The following ERBB4 variants were observed in gnomAD, a reference collection of about 807,000 sequenced individuals.
ERBB4 encodes the protein receptor tyrosine-protein kinase erbB-4.
Under a neutral mutation model 158.0 loss-of-function variants are expected in ERBB4, and 42 were observed. The observed-to-expected ratio is 0.27, with a 90% CI of 0.21 to 0.34. The LOEUF (loss-of-function observed/expected upper bound fraction) is 0.34, where lower values mean the gene tolerates loss of function less well. Among genes scored for constraint, ERBB4 ranks in the 10% least tolerant of loss-of-function variants. ERBB4 has a pLI of 1.00. For missense variants in ERBB4, 1,333 were observed against 1,624.1 expected (o/e 0.82, Z 3.08); for synonymous variants, 583 against 558.7 (o/e 1.04, Z -0.61).
chr2:211,425,161 C>A (rs754884202), intron 22 of ERBB4, among the ~76,000 whole-genome samples: 4 of 151,994 alleles, frequency 2.6e-5, no homozygotes, highest in Non-Finnish European at 5.9e-5. Context: ...TCAGACATGG[C>A]TAGCTGGGCA....
At chr2:211,929,054 T>A (rs2080097593) in intron 3 of ERBB4, among the ~76,000 whole-genome samples, 1 of 152,116 alleles carries the variant, frequency 6.6e-6, no homozygotes, top group Non-Finnish European at 1.5e-5. Context: ...CAAATGAAAA[T>A]ATACCTTCAT....
chr2:212,195,778 G>A (rs1374204217), intron 1 of ERBB4, among the ~76,000 whole-genome samples: 1 of 152,104 alleles, frequency 6.6e-6, no homozygotes, highest in Non-Finnish European at 1.5e-5. Flanking sequence ...TTTCAGAAAT[G>A]TTTATGTTGT....
chr2:212,501,389 C>G (rs755739880), intron 1 of ERBB4, among the ~76,000 whole-genome samples: 2 of 151,926 alleles, frequency 1.3e-5, no homozygotes, highest in African/African-American at 2.4e-5. Flanking sequence ...AAGGTCAAAC[C>G]CTGATCCATG....
intron 1 of ERBB4, among the ~76,000 whole-genome samples, chr2:212,187,252 T>C (rs976397682): frequency 2.6e-5 from 4 of 152,034 alleles, no homozygotes; most frequent in African/African-American, 7.2e-5. Flanking sequence ...TTTAAGATAT[T>C]GTGTCACAAT....
At chr2:211,958,515 G>C (rs1178170749) in intron 2 of ERBB4, among the ~76,000 whole-genome samples, 1 of 151,968 alleles carries the variant, frequency 6.6e-6, no homozygotes, top group Non-Finnish European at 1.5e-5. Context: ...GTCACCTACT[G>C]GTGAAATCAC....
At chr2:212,048,247 T>C (rs1013731199) in intron 2 of ERBB4, among the ~76,000 whole-genome samples, 10 of 152,222 alleles carry the variant, frequency 6.6e-5, no homozygotes, top group African/African-American at 2.4e-4. Context: ...GTATGGAATA[T>C]GACTTTTACT....
In ERBB4 at chr2:212,527,534, T is replaced by C. The variant is rs569261414; in HGVS notation, c.82+10915A>G. Among the ~76,000 whole-genome samples, 4 of 152,146 alleles carry C rather than the reference T, an allele frequency of 2.6e-5. No individual in the cohort carries two copies. In the East Asian group the frequency reaches 7.7e-4, roughly 29 times the overall value. ...TCCTAAAATGTGTAATTTTCAACCA[T>C]AGGCAGACTTACCACAAAGTTTCTA... On this transcript the variant is annotated intron_variant, in intron 1 of 27. Transcript: ENST00000342788.
At chr2:212,450,514 A>C (rs1025705682) in intron 1 of ERBB4, among the ~76,000 whole-genome samples, 1 of 152,206 alleles carries the variant, frequency 6.6e-6, no homozygotes, top group Non-Finnish European at 1.5e-5. Context: ...GATAGGCACC[A>C]GAAGCTGAAA....
At chr2:211,810,580 T>C (rs2076727270) in intron 3 of ERBB4, among the ~76,000 whole-genome samples, 2 of 152,022 alleles carry the variant, frequency 1.3e-5, no homozygotes, top group Non-Finnish European at 2.9e-5. Context: ...TGAGCCTATG[T>C]GTGTCTCTGC....
chr2:211,623,667 A>T (rs1187985625), intron 18 of ERBB4, among the ~76,000 whole-genome samples: 1 of 152,174 alleles, frequency 6.6e-6, no homozygotes. Flanking sequence ...CGGGGCTCAG[A>T]AAGGTATTAA....
At chr2:211,621,183 T>A (rs2069587757) in intron 18 of ERBB4, among the ~76,000 whole-genome samples, 2 of 152,116 alleles carry the variant, frequency 1.3e-5, no homozygotes, top group African/African-American at 4.8e-5. Context: ...TACTTCTTTT[T>A]AAAATAAATA....
At chr2:211,747,894 A>T (rs1469828923) in intron 5 of ERBB4, among the ~76,000 whole-genome samples, 2 of 151,950 alleles carry the variant, frequency 1.3e-5, no homozygotes, top group Non-Finnish European at 2.9e-5. Context: ...CATAAATACC[A>T]AACTCCATAG....
At chr2:212,480,363 A>G (rs894008750) in intron 1 of ERBB4, among the ~76,000 whole-genome samples, 1 of 152,190 alleles carries the variant, frequency 6.6e-6, no homozygotes, top group Non-Finnish European at 1.5e-5. Flanking sequence ...GTAGCACAGG[A>G]AAGAGGAGCA....
chr2:211,920,863 T>C (rs1035273931), intron 3 of ERBB4, among the ~76,000 whole-genome samples: 1 of 152,084 alleles, frequency 6.6e-6, no homozygotes, highest in East Asian at 1.9e-4. Flanking sequence ...GCCATATCCC[T>C]TTGAACAACA....
At chr2:211,759,237 T>C (rs2075352760) in intron 4 of ERBB4, among the ~76,000 whole-genome samples, 1 of 152,128 alleles carries the variant, frequency 6.6e-6, no homozygotes, top group African/African-American at 2.4e-5. Context: ...CCTGCACCAT[T>C]ATCATTGTAA....
At chr2:212,148,804 G>T (rs2080769203) in intron 1 of ERBB4, among the ~76,000 whole-genome samples, 1 of 144,550 alleles carries the variant, frequency 6.9e-6, no homozygotes, top group South Asian at 2.3e-4. Context: ...AGAAAATGTG[G>T]CACATATACA....
chr2:211,580,875 A>AGTATG (rs796517036), intron 19 of ERBB4, among the ~76,000 whole-genome samples: 1 of 1,202 alleles, frequency 8.3e-4, no homozygotes, highest in Admixed American at 0.015. Flanking sequence ...ACATATATAT[A>AGTATG]TATATATATA....
chr2:212,514,158 C>T (rs1470208402), intron 1 of ERBB4, among the ~76,000 whole-genome samples: 2 of 151,322 alleles, frequency 1.3e-5, no homozygotes, highest in Non-Finnish European at 2.9e-5. Context: ...GTAACTGTGT[C>T]AATGCATTGC....
chr2:211,923,664 C>T (rs1447336506), intron 3 of ERBB4, among the ~76,000 whole-genome samples: 3 of 152,222 alleles, frequency 2.0e-5, no homozygotes, highest in Non-Finnish European at 4.4e-5. Context: ...ATCCTTTCCT[C>T]AATTTCCACA....
Sources: allele counts gnomAD v4.1 joint callset (sites outside exome capture counted in the v4.1 genomes callset), GRCh38; gene constraint gnomAD v4.1.1; transcripts MANE v1.5; gene names NCBI Gene and HGNC (gene_info 2026-07-23, HGNC 2026-07-21).